CLIC5: variants seen among roughly 807,000 people sequenced by gnomAD.
The protein encoded by CLIC5 is CLIC family member 5, also known as chloride intracellular channel protein 5.
A neutral mutation model predicts 24.7 loss-of-function variants in CLIC5; 20 were observed. That is an observed-to-expected ratio of 0.81 (90% CI 0.57 to 1.18). CLIC5 has a LOEUF of 1.18. CLIC5 is among the 50% of genes most tolerant of loss of function. The pLI is 0.00. For missense variants in CLIC5, 341 were observed against 326.1 expected, an observed-to-expected ratio of 1.05 and a Z score of -0.35; for synonymous variants, 159 against 135.6, an observed-to-expected ratio of 1.17 and a Z score of -1.20.
intron 3 of CLIC5, among the ~76,000 whole-genome samples, chr6:45,947,907 CA>C (rs1764339354): frequency 6.6e-6 from 1 of 152,166 alleles, no homozygotes. Flanking sequence ...TTTTCACTCT[CA>C]GTGTGCAAAT....
At chr6:45,957,335 C>T (rs760727466) in intron 1 of CLIC5, among the ~76,000 whole-genome samples, 6 of 152,072 alleles carry the variant, frequency 3.9e-5, no homozygotes, top group Non-Finnish European at 5.9e-5. Context: ...TCCTGAGAAG[C>T]CTGTGAAGTG....
At chr6:45,951,734 G>C (rs905104232) in intron 2 of CLIC5, among the ~76,000 whole-genome samples, 1 of 152,124 alleles carries the variant, frequency 6.6e-6, no homozygotes, top group Non-Finnish European at 1.5e-5. Context: ...ATTTCTTGTG[G>C]GAGTCGGGAG....
At chr6:46,034,301 C>T (rs773094123) in intron 1 of CLIC5, among the ~76,000 whole-genome samples, 1 of 152,200 alleles carries the variant, frequency 6.6e-6, no homozygotes, top group African/African-American at 2.4e-5. Flanking sequence ...CTAACTTGCA[C>T]CAAAGTGGAG....
intron 1 of CLIC5, among the ~76,000 whole-genome samples, chr6:45,958,875 A>T (rs1321718478): frequency 2.0e-5 from 3 of 152,026 alleles, no homozygotes; most frequent in African/African-American, 7.2e-5. Flanking sequence ...TGCTGAGGGG[A>T]GGGTGATGTC....
intron 1 of CLIC5, among the ~76,000 whole-genome samples, chr6:46,027,025 A>G (rs1484701004): frequency 6.6e-6 from 1 of 152,106 alleles, no homozygotes; most frequent in Non-Finnish European, 1.5e-5. Context: ...TCTACTGACC[A>G]CCTATTTATA....
At chr6:45,965,111 A>C (rs1054453308) in intron 1 of CLIC5, among the ~76,000 whole-genome samples, 1 of 152,204 alleles carries the variant, frequency 6.6e-6, no homozygotes, top group East Asian at 1.9e-4. Context: ...TTGTGTATGA[A>C]GCAATAAATT....
the CLIC5 span, among the ~76,000 whole-genome samples, chr6:46,098,024 G>A: frequency 6.6e-6 from 1 of 152,246 alleles, no homozygotes; most frequent in African/African-American, 2.4e-5. Flanking sequence ...GCCACCCTAT[G>A]GCAACTCAGC....
rs77088361 is a variant in CLIC5, at chr6:45,887,811, G to A, written c.624-6623C>T. Among the ~76,000 whole-genome samples the A allele has an allele frequency of 3.5e-4, 53 of 152,192 alleles. No homozygotes were observed. The East Asian group carries it at 8.9e-3, about 26-fold the overall frequency. On this transcript the variant is annotated intron_variant, in intron 6 of 6. Coordinates refer to the CLIC5 transcript ENST00000644324. ...CACTCACATGTAATAAAATCATAAC[G>A]CAACTATAGAAGAGGGCTGTAAGCC... is the stretch of plus-strand genomic sequence containing the variant.
chr6:45,945,746 G>C (rs1173527679), intron 3 of CLIC5, among the ~76,000 whole-genome samples: 2 of 152,150 alleles, frequency 1.3e-5, no homozygotes, highest in East Asian at 1.9e-4. Context: ...TCTGGAGGCT[G>C]TTTCTCTACC....
chr6:46,028,208 A>C (rs1174253866), intron 1 of CLIC5, among the ~76,000 whole-genome samples: 1 of 152,238 alleles, frequency 6.6e-6, no homozygotes, highest in Non-Finnish European at 1.5e-5. Context: ...AGAAGGATGC[A>C]AAACAGCCAT....
chr6:46,089,954 C>T, the CLIC5 span, among the ~76,000 whole-genome samples: 1 of 152,096 alleles, frequency 6.6e-6, no homozygotes, highest in African/African-American at 2.4e-5. Context: ...CAGTATTTTT[C>T]GTGATTTGCA....
At chr6:46,041,157 A>T (rs1323571399) in intron 1 of CLIC5, among the ~76,000 whole-genome samples, 1 of 152,236 alleles carries the variant, frequency 6.6e-6, no homozygotes, top group African/African-American at 2.4e-5. Context: ...ACACAAAGCT[A>T]TGTGTTCAGA....
chr6:45,916,060 C>G (rs1763019352), intron 4 of CLIC5, among the ~76,000 whole-genome samples: 1 of 152,198 alleles, frequency 6.6e-6, no homozygotes, highest in South Asian at 2.1e-4. Context: ...GCCTTGTTAG[C>G]CACTCCTCTC....
chr6:45,941,691 C>G, intron 3 of CLIC5, 38 bp from the exon 4 acceptor site: 1 of 1,442,228 alleles, frequency 6.9e-7, no homozygotes. Flanking sequence ...AATCAGTAGA[C>G]TTGGAGCTCC....
intron 1 of CLIC5, among the ~76,000 whole-genome samples, chr6:46,057,915 C>A (rs746790016): frequency 5.3e-5 from 8 of 152,194 alleles, no homozygotes; most frequent in Non-Finnish European, 8.8e-5. Context: ...ACTGCTACTG[C>A]CTGGTCAGCT....
At chr6:46,117,454 T>C in the CLIC5 span, among the ~76,000 whole-genome samples, 2 of 152,250 alleles carry the variant, frequency 1.3e-5, no homozygotes, top group Non-Finnish European at 2.9e-5. Context: ...GGTTAACTAA[T>C]ATATTACTCT....
the CLIC5 span, among the ~76,000 whole-genome samples, chr6:46,093,955 C>A: frequency 6.6e-6 from 1 of 152,294 alleles, no homozygotes; most frequent in South Asian, 2.1e-4. Flanking sequence ...GTATGGGAAG[C>A]ATAGCAGCAT....
intron 6 of CLIC5, among the ~76,000 whole-genome samples, chr6:45,886,415 G>T (rs1324062239): frequency 2.0e-5 from 3 of 152,324 alleles, no homozygotes; most frequent in Non-Finnish European, 4.4e-5. Flanking sequence ...TCACACCTGT[G>T]CATACCCCTT....
At chr6:46,022,389 T>G (rs1767209687) in intron 1 of CLIC5, among the ~76,000 whole-genome samples, 2 of 152,154 alleles carry the variant, frequency 1.3e-5, no homozygotes, top group African/African-American at 4.8e-5. Context: ...ACAACTTACA[T>G]TCTCTGCAGG....
Sources: gnomAD v4.1 joint callset for allele counts (sites outside exome capture counted in the v4.1 genomes callset) on GRCh38, gnomAD v4.1.1 for gene constraint, MANE v1.5 for transcripts, NCBI Gene and HGNC (gene_info 2026-07-23, HGNC 2026-07-21) for gene names.